The following ANKS1B variants were observed in gnomAD, a reference collection of about 807,000 sequenced individuals.
ANKS1B encodes the protein ankyrin repeat and sterile alpha motif domain-containing protein 1B.
A neutral mutation model predicts 148.3 loss-of-function variants in ANKS1B; 36 were observed. The observed-to-expected ratio is 0.24, with a 90% CI of 0.19 to 0.32. ANKS1B has a LOEUF of 0.32. Among genes scored for constraint, ANKS1B ranks in the 10% least tolerant of loss-of-function variants. The pLI, the probability that ANKS1B is intolerant of heterozygous loss-of-function variation, is 1.00. For synonymous variants in ANKS1B, 542 were observed against 560.8 expected (o/e 0.97, Z 0.47); for missense variants, 1,157 against 1,542.6 (o/e 0.75, Z 4.19).
rs2098443211 is a variant in ANKS1B at position 99,654,967 on chromosome 12, C to G, written c.1272+100G>C. ...ACAAGATCCAAAATCACAAAGTGAA[C>G]AAGATCCTAATTTGATTTTCGAAGG... On this transcript the variant is annotated intron_variant, in intron 9 of 26. Transcript: ENST00000683438. The G allele has an allele frequency of 4.5e-6, 6 of 1,326,122 alleles. No homozygotes were observed. The South Asian group carries it at 1.0e-4, about 22-fold the overall frequency. 82.1% of individuals were successfully genotyped at this position (1,326,122 alleles called of 1,614,324 possible). A position where few individuals can be genotyped will look rare whatever the true frequency, so the allele number is the denominator to read the frequency against.
intron 9 of ANKS1B, among the ~76,000 whole-genome samples, chr12:99,629,615 T>G (rs2098139400): frequency 6.6e-6 from 1 of 152,134 alleles, no homozygotes; most frequent in Non-Finnish European, 1.5e-5. Context: ...TCAAACCAAT[T>G]AATTTCTGAG....
At chr12:99,667,143 C>T (rs1489001919) in intron 8 of ANKS1B, among the ~76,000 whole-genome samples, 1 of 151,864 alleles carries the variant, frequency 6.6e-6, no homozygotes, top group East Asian at 1.9e-4. Context: ...GTAAGGAGTT[C>T]GAGACAAGCC....
chr12:99,587,467 T>A lies in ANKS1B; in HGVS notation c.1272+67600A>T, dbSNP rs116967045. Among the ~76,000 whole-genome samples the A allele has an allele frequency of 2.3e-3, 350 of 152,358 alleles. 2 individuals carry two copies. The highest frequency in any genetic ancestry group is 4.0e-3 in the Non-Finnish European group (274 of 68,036). ...CAATGCTCATTATTGTTCACTAAGA[T>A]GTGTAATATGTCATCTCTAACCTCT... On this transcript the variant is annotated intron_variant, in intron 9 of 26. Coordinates refer to ENST00000683438, the MANE Select transcript of ANKS1B (RefSeq NM_001352186.2).
At chr12:99,740,681 A>G (rs759802903) in intron 8 of ANKS1B, among the ~76,000 whole-genome samples, 11 of 152,304 alleles carry the variant, frequency 7.2e-5, no homozygotes, top group Non-Finnish European at 1.5e-4. Context: ...TGATTTCTGC[A>G]TTTCCAACCC....
intron 8 of ANKS1B, among the ~76,000 whole-genome samples, chr12:99,717,935 G>A (rs71440829): frequency 0.21 from 26,980 of 126,246 alleles, 3,010 homozygotes; most frequent in Middle Eastern, 0.29. Flanking sequence ...ACGGAGTCTC[G>A]CTCTGTCGCC....
At chr12:99,706,916 A>T (rs945311332) in intron 8 of ANKS1B, among the ~76,000 whole-genome samples, 6 of 151,942 alleles carry the variant, frequency 3.9e-5, no homozygotes, top group African/African-American at 1.5e-4. Flanking sequence ...TTGGAACCAG[A>T]TCCTTCCCCA....
intron 17 of ANKS1B, among the ~76,000 whole-genome samples, chr12:98,944,788 C>T (rs567250433): frequency 6.6e-6 from 1 of 152,336 alleles, no homozygotes; most frequent in East Asian, 1.9e-4. Context: ...AACATCTCCA[C>T]AGTATCAGTT....
chr12:99,335,715 A>G (rs572665202), intron 12 of ANKS1B, among the ~76,000 whole-genome samples: 1 of 152,236 alleles, frequency 6.6e-6, no homozygotes, highest in Non-Finnish European at 1.5e-5. Flanking sequence ...TCCATTGTGT[A>G]TAAGTGCCAC....
At chr12:99,903,459 G>A (rs1003334447) in intron 1 of ANKS1B, among the ~76,000 whole-genome samples, 3 of 152,182 alleles carry the variant, frequency 2.0e-5, no homozygotes, top group Non-Finnish European at 4.4e-5. Flanking sequence ...AATGCCCTCT[G>A]TAATTGGAGG....
chr12:99,689,530 C>A (rs2098667901), intron 8 of ANKS1B, among the ~76,000 whole-genome samples: 1 of 152,192 alleles, frequency 6.6e-6, no homozygotes, highest in Admixed American at 6.5e-5. Flanking sequence ...TGTTATGTTA[C>A]CTGGCCAAAG....
intron 15 of ANKS1B, among the ~76,000 whole-genome samples, chr12:99,115,019 C>A (rs140038819): frequency 1.3e-4 from 20 of 152,140 alleles, no homozygotes; most frequent in African/African-American, 4.6e-4. Context: ...CACTTACACA[C>A]GATGGGATCA....
intron 1 of ANKS1B, among the ~76,000 whole-genome samples, chr12:99,950,113 A>ATTTTTTTTTTTTTTTTTTTT (rs35287842): frequency 1.1e-5 from 1 of 90,542 alleles, no homozygotes; most frequent in African/African-American, 5.0e-5. Flanking sequence ...TGCTCAGTTA[A>ATTTTTTTTTTTTTTTTTTTT]TTTTTTTTTT....
chr12:99,872,839 C>A (rs1038603382), intron 1 of ANKS1B, among the ~76,000 whole-genome samples: 3 of 152,074 alleles, frequency 2.0e-5, no homozygotes, highest in Admixed American at 1.3e-4. Context: ...TATATAGATA[C>A]ACCAATCCTA....
intron 9 of ANKS1B, among the ~76,000 whole-genome samples, chr12:99,529,665 AAAG>A (rs778826993): frequency 1.2e-4 from 19 of 152,178 alleles, no homozygotes; most frequent in South Asian, 2.1e-4. Context: ...GAAAAAAATA[AAAG>A]AAGAAGTAGT....
intron 8 of ANKS1B, among the ~76,000 whole-genome samples, chr12:99,680,086 G>A (rs1423631465): frequency 6.6e-6 from 1 of 152,176 alleles, no homozygotes. Context: ...CAGACCACGG[G>A]AGAAGGATTT....
At chr12:99,729,645 TG>T (rs1373499883) in intron 8 of ANKS1B, among the ~76,000 whole-genome samples, 1 of 152,246 alleles carries the variant, frequency 6.6e-6, no homozygotes, top group Admixed American at 6.5e-5. Context: ...TTCTGACCAC[TG>T]TCTGCCTACT....
intron 17 of ANKS1B, among the ~76,000 whole-genome samples, chr12:99,003,154 G>T (rs1260748189): frequency 6.6e-6 from 1 of 152,034 alleles, no homozygotes; most frequent in Non-Finnish European, 1.5e-5. Flanking sequence ...ATATACGTGG[G>T]TCTATTTCTG....
chr12:99,928,310 C>T (rs1404211244), intron 1 of ANKS1B, among the ~76,000 whole-genome samples: 7 of 145,704 alleles, frequency 4.8e-5, no homozygotes, highest in East Asian at 2.0e-4. Flanking sequence ...CTCGCTCTGT[C>T]GCCCAGGCCG....
chr12:98,906,849 AT>A (rs926961507), intron 17 of ANKS1B, among the ~76,000 whole-genome samples: 60 of 152,104 alleles, frequency 3.9e-4, no homozygotes, highest in South Asian at 1.7e-3. Flanking sequence ...TTTTGTTTTT[AT>A]TTTTTTCCAG....
Sources: allele counts gnomAD v4.1 joint callset (sites outside exome capture counted in the v4.1 genomes callset), GRCh38; gene constraint gnomAD v4.1.1; transcripts MANE v1.5; gene names NCBI Gene and HGNC (gene_info 2026-07-23, HGNC 2026-07-21).